The following B4GALNT4 variants were observed in gnomAD, a reference collection of about 807,000 sequenced individuals.
B4GALNT4 encodes the protein N-acetyl-beta-glucosaminyl-glycoprotein 4-beta-N-acetylgalactosaminyltransferase 1.
In B4GALNT4, 77 loss-of-function variants were observed where a neutral mutation model predicts 110.0. The ratio of observed to expected loss-of-function variants is 0.70; its 90% CI spans 0.58 to 0.85. The LOEUF is 0.85. Among genes scored for constraint, B4GALNT4 ranks in the 40% least tolerant of loss-of-function variants. The pLI is 0.00. For missense variants in B4GALNT4, 1,575 were observed against 1,506.0 expected, an observed-to-expected ratio of 1.05 and a Z score of -0.76; for synonymous variants, 785 against 655.5, an observed-to-expected ratio of 1.20 and a Z score of -3.02.
chr11:373,939 G>C, intron 8 of B4GALNT4, 111 bp downstream of exon 8: 4 of 1,102,742 alleles, frequency 3.6e-6, no homozygotes, highest in Non-Finnish European at 5.3e-6. Flanking sequence ...GATGGTCAGG[G>C]CCATGGGCCT....
rs1031305402 is a variant in B4GALNT4 at position 373,536 on chromosome 11, A to G, written c.704+20A>G. The G allele has an allele frequency of 1.2e-6, 2 of 1,609,890 alleles. No individual in the cohort carries two copies. The highest frequency in any genetic ancestry group is 1.1e-5 in the South Asian group (1 of 91,036). The stretch of plus-strand genomic sequence containing the variant: ...CAGGCGGTGAGTGACTGTGGGGTGC[A>G]TGTGCGTGCACTTGTGTATTCGTGG... On this transcript the variant is annotated intron_variant, in intron 7 of 19. Transcript: ENST00000329962.
Position 373,511 on chromosome 11 carries a change from C to G in B4GALNT4, c.699C>G (p.Pro233=), listed in dbSNP as rs901500187. 3.7e-6 allele frequency: 6 copies of G among 1,612,178 alleles called. No homozygotes were observed. Among genetic ancestry groups the G allele is most frequent in the Middle Eastern group, 1.7e-4 (1 of 6,054 alleles). Reference sequence around the variant, plus strand: ...AGTTCAGCTCCCAGGTGTCCAAGCCCAGGCGGTGAGTGACTGTGGGGTGCA... The same window carrying G: ...AGTTCAGCTCCCAGGTGTCCAAGCCGAGGCGGTGAGTGACTGTGGGGTGCA... The part of the protein sequence containing the change: ...FTKFSSQVSK[P]RRLMASRRYY... The change falls in exon 7 of 20, where the codon CCC becomes CCG. Residue 233 remains proline, a synonymous_variant. Transcript: ENST00000329962.
chr11:372,872 G>A lies in B4GALNT4; in HGVS notation c.369G>A (p.Leu123=). The A allele has an allele frequency of 6.2e-7, 1 of 1,612,000 alleles. No homozygotes were observed. The highest frequency in any genetic ancestry group is 1.1e-5 in the South Asian group (1 of 91,064). Residue 123 remains leucine, a synonymous_variant, in exon 4 of 20, where the codon CTG becomes CTA. Coordinates refer to ENST00000329962, the MANE Select transcript of B4GALNT4 (RefSeq NM_178537.5). ...CCCAGTACAAGGGGCAGGTGAACCT[G>A]CACGTGTTTGAGGACTGGTGTGGGG... ...WREEYKGQVN[L]HVFEDWCGGA...
At chr11:374,284 AG>A (rs1170102832) in intron 8 of B4GALNT4, among the ~76,000 whole-genome samples, 1 of 151,878 alleles carries the variant, frequency 6.6e-6, no homozygotes, top group Non-Finnish European at 1.5e-5. Flanking sequence ...AAGCGGAGAG[AG>A]CCTGGGGGAA....
chr11:376,695 G>T lies in B4GALNT4; in HGVS notation c.1572G>T (p.Lys524Asn). ...PRPAVEQPPP[K>N]VYVTRVRPGQ... ...CTGCAGTGGAGCAGCCGCCCCCAAA[G>T]GTGTACGTGACCAGGGTGCGGCCGG... Residue 524 changes from lysine to asparagine, a missense_variant, in exon 14 of 20, where the codon AAG becomes AAT. By Grantham distance (94) the Lys-to-Asn change is moderately conservative. Transcript: ENST00000329962. 2.1e-6 allele frequency: 3 copies of T among 1,423,626 alleles called. No individual in the cohort carries two copies. The highest frequency in any genetic ancestry group is 2.7e-6 in the Non-Finnish European group (3 of 1,094,126). The allele number at this position is 1,423,626 out of a possible 1,614,324, so 88.2% of individuals were successfully genotyped here.
intron 8 of B4GALNT4, among the ~76,000 whole-genome samples, chr11:374,607 C>G (rs1374711053): frequency 9.7e-6 from 1 of 103,442 alleles, no homozygotes; most frequent in African/African-American, 3.9e-5. Flanking sequence ...GGCATCCAGC[C>G]TGGCCCTTAG....
chr11:369,828 A>T lies in B4GALNT4; in HGVS notation c.25A>T (p.Ile9Phe), dbSNP rs2119626789. ...GATGCCGCGGCTCCCGGTGAAGAAG[A>T]TCCGTAAGCAGATGAAGCTGCTGCT... is the stretch of plus-strand genomic sequence containing the variant. MPRLPVKK[I>F]RKQMKLLLLL... Residue 9 changes from isoleucine to phenylalanine, a missense_variant, in exon 1 of 20, where the codon ATC (isoleucine) becomes TTC (phenylalanine). Transcript: ENST00000329962. The T allele has an allele frequency of 4.1e-6, 4 of 984,402 alleles. No individual in the cohort carries two copies. The highest frequency in any genetic ancestry group is 4.8e-6 in the Non-Finnish European group (4 of 830,618). The allele number at this position is 984,402 out of a possible 1,614,324, so 61.0% of individuals were successfully genotyped here.
chr11:379,316 C>T, intron 14 of B4GALNT4, 102 bp from the exon 15 acceptor site: 1 of 1,322,148 alleles, frequency 7.6e-7, no homozygotes, highest in Non-Finnish European at 9.9e-7. Flanking sequence ...GCAGCCTCCG[C>T]CAACTCCAAG....
chr11:373,408 ACCCC>A, intron 6 of B4GALNT4, 37 bp from the exon 7 acceptor site: 4 of 808,198 alleles, frequency 4.9e-6, no homozygotes, highest in Non-Finnish European at 7.8e-6. Flanking sequence ...GAGAGAGTGA[ACCCC>A]CCCCCCCACC....
In B4GALNT4 at chr11:375,491, G is replaced by T; in HGVS notation, c.814G>T (p.Glu272Ter). The T allele has an allele frequency of 6.2e-7, 1 of 1,611,728 alleles. No homozygotes were observed. The change falls in exon 9 of 20, where the codon GAG (glutamate) becomes TAG (stop). Residue 272 changes from glutamate to a stop codon, truncating the protein, a stop_gained. Coordinates refer to ENST00000329962, the MANE Select transcript of B4GALNT4 (RefSeq NM_178537.5). LOFTEE classifies it high-confidence loss of function. The part of the protein sequence containing the change: ...WRAFLPGLKF[E>*]VISSAHISLY... ...AGCTTTCCTGCCCGGCCTGAAGTTCGAGGTCATCAGCTCTGCTCACATCTC... is the reference window on the plus strand; with the variant it reads ...AGCTTTCCTGCCCGGCCTGAAGTTCTAGGTCATCAGCTCTGCTCACATCTC...
At chr11:379,100 C>G (rs773299678) in intron 14 of B4GALNT4, among the ~76,000 whole-genome samples, 10 of 152,202 alleles carry the variant, frequency 6.6e-5, no homozygotes, top group Non-Finnish European at 1.5e-4. Flanking sequence ...CTGAAGGTTT[C>G]TGAGCAAGGG....
Position 376,678 on chromosome 11 carries a change from G to A in B4GALNT4, c.1555G>A (p.Glu519Lys). The A allele has an allele frequency of 5.6e-6, 8 of 1,428,402 alleles. No individual in the cohort carries two copies. Among genetic ancestry groups the A allele is most frequent in the Non-Finnish European group, 7.3e-6 (8 of 1,095,456 alleles). 88.5% of individuals were successfully genotyped at this position (1,428,402 alleles called of 1,614,324 possible). ...GRAPPPRPAV[E>K]QPPPKVYVTR... ...AGCTCCGCCCCCGCGCCCTGCAGTG[G>A]AGCAGCCGCCCCCAAAGGTGTACGT... Residue 519 changes from glutamate (E) to lysine (K), a missense_variant, in exon 14 of 20, where the codon GAG becomes AAG. Glu to Lys is a moderately conservative substitution (Grantham distance 56). Coordinates refer to ENST00000329962, the MANE Select transcript of B4GALNT4 (RefSeq NM_178537.5).
intron 14 of B4GALNT4, 74 bp from the exon 15 acceptor site, chr11:379,344 G>A: frequency 1.1e-5 from 15 of 1,396,226 alleles, no homozygotes; most frequent in Non-Finnish European, 1.4e-5. Flanking sequence ...AGTTTCTGTG[G>A]CCAGGGCGGA....
Position 381,944 on chromosome 11 carries a change from C to A in B4GALNT4, c.*152C>A. 2.1e-6 allele frequency: 2 copies of A among 955,620 alleles called. No homozygotes were observed. The highest frequency in any genetic ancestry group is 2.8e-6 in the Non-Finnish European group (2 of 702,096). The allele number at this position is 955,620 out of a possible 1,614,324, so 59.2% of individuals were successfully genotyped here. On this transcript the variant is annotated 3_prime_UTR_variant, in exon 20 of 20. Coordinates refer to ENST00000329962, the MANE Select transcript of B4GALNT4 (RefSeq NM_178537.5). ...CCTCTCTGGCCCACTGGGCGTCGTG[C>A]CCCTCCCCGGAGAGGCAGCCTTCAC...
In B4GALNT4 at chr11:377,345, C is replaced by A. The variant is rs779797509; in HGVS notation, c.2204+18C>A. The A allele has an allele frequency of 1.3e-6, 2 of 1,487,788 alleles. No homozygotes were observed. The highest frequency in any genetic ancestry group is 1.8e-6 in the Non-Finnish European group (2 of 1,123,860). 92.2% of individuals were successfully genotyped at this position (1,487,788 alleles called of 1,614,324 possible). A position where few individuals can be genotyped will look rare whatever the true frequency, so the allele number is the denominator to read the frequency against. ...CACGGCGGGTATGGGGGCGGCCGAA[C>A]GCGCGCCAGGGCGGTTTTGGAGGCG... is the stretch of plus-strand genomic sequence containing the variant. On this transcript the variant is annotated intron_variant, in intron 14 of 19. Coordinates refer to ENST00000329962, the MANE Select transcript of B4GALNT4 (RefSeq NM_178537.5).
Position 375,460 on chromosome 11 carries a change from G to A in B4GALNT4, c.784-1G>A, listed in dbSNP as rs1297763456. The A allele has an allele frequency of 6.2e-7, 1 of 1,611,724 alleles. No individual in the cohort carries two copies. The highest frequency in any genetic ancestry group is 1.7e-5 in the Admixed American group (1 of 60,004). On this transcript the variant is annotated splice_acceptor_variant, in intron 8 of 19. Coordinates refer to ENST00000329962, the MANE Select transcript of B4GALNT4 (RefSeq NM_178537.5). LOFTEE classifies it high-confidence loss of function. ...TGACCCCCACCCTCTCTGCCCCGCA[G>A]TGGCGAGCTTTCCTGCCCGGCCTGA... is the stretch of plus-strand genomic sequence containing the variant.
At chr11:370,960 C>A (rs1009372908) in intron 1 of B4GALNT4, among the ~76,000 whole-genome samples, 1 of 152,156 alleles carries the variant, frequency 6.6e-6, no homozygotes, top group African/African-American at 2.4e-5. Context: ...CCTCAAGAGA[C>A]CCCCGATACT....
rs764011918 is a variant in B4GALNT4 at position 373,108 on chromosome 11, C to T, written c.527C>T (p.Ala176Val). ...CGTATTTTTGGTTTCATCCACCCGG[C>T]GAGGGACGGTACGGGGGTGAGGGTG... The part of the protein sequence containing the change: ...GLRIFGFIHP[A>V]RDGDVQFSVA... The change falls in exon 5 of 20, where the codon GCG becomes GTG. Residue 176 changes from alanine to valine, a missense_variant. Physicochemically the swap from Ala to Val is moderately conservative, Grantham distance 64. Coordinates refer to ENST00000329962, the MANE Select transcript of B4GALNT4 (RefSeq NM_178537.5). The T allele has an allele frequency of 8.7e-6, 14 of 1,612,348 alleles. No homozygotes were observed. The highest frequency in any genetic ancestry group is 8.3e-5 in the Admixed American group (5 of 59,972).
In B4GALNT4 at chr11:380,219, G is replaced by A. The variant is rs200134077; in HGVS notation, c.2715+17G>A. 5.9e-5 allele frequency: 95 copies of A among 1,604,968 alleles called. No homozygotes were observed. The highest frequency in any genetic ancestry group is 7.9e-5 in the Non-Finnish European group (93 of 1,174,196). ...GCGGTAGAGGTCCGAGGGCCCCATG[G>A]GGGTCGGGGAGCAAAACGGGGCGTG... On this transcript the variant is annotated intron_variant, in intron 17 of 19. Transcript: ENST00000329962.
Sources: allele counts gnomAD v4.1 joint callset (sites outside exome capture counted in the v4.1 genomes callset), GRCh38; gene constraint gnomAD v4.1.1; transcripts MANE v1.5; gene names NCBI Gene and HGNC (gene_info 2026-07-23, HGNC 2026-07-21).